The following DROSHA variants were observed in gnomAD, a reference collection of about 807,000 sequenced individuals.
DROSHA encodes ribonuclease 3.
A neutral mutation model predicts 181.9 loss-of-function variants in DROSHA; 56 were observed. The observed-to-expected ratio is 0.31, with a 90% CI of 0.25 to 0.38. The LOEUF (loss-of-function observed/expected upper bound fraction) is 0.38. Ranked by LOEUF, DROSHA falls within the 10% of genes least tolerant of loss-of-function variation. The pLI, the probability that DROSHA is intolerant of heterozygous loss-of-function variation, is 1.00. For missense variants in DROSHA, 1,218 were observed against 1,743.5 expected, an observed-to-expected ratio of 0.70 and a Z score of 5.37; for synonymous variants, 524 against 591.2, an observed-to-expected ratio of 0.89 and a Z score of 1.65.
chr5:31,451,418 T>C, intron 21 of DROSHA, 115 bp downstream of exon 21: 1 of 875,522 alleles, frequency 1.1e-6, no homozygotes, highest in Non-Finnish European at 1.8e-6. Context: ...AGAACTATGT[T>C]TCTAACAATC....
At chr5:31,497,572 T>C (rs1329381207) in intron 11 of DROSHA, among the ~76,000 whole-genome samples, 1 of 152,246 alleles carries the variant, frequency 6.6e-6, no homozygotes, top group East Asian at 1.9e-4. Flanking sequence ...ACACAGAAGG[T>C]AGCAATTGGC....
At chr5:31,527,838 CAA>C (rs1324585130) in intron 4 of DROSHA, among the ~76,000 whole-genome samples, 1 of 152,178 alleles carries the variant, frequency 6.6e-6, no homozygotes, top group East Asian at 1.9e-4. Context: ...CAAGCTAAGA[CAA>C]AAGTGTATAT....
chr5:31,417,415 C>T (rs373521632), intron 30 of DROSHA, among the ~76,000 whole-genome samples: 11 of 152,120 alleles, frequency 7.2e-5, no homozygotes, highest in African/African-American at 2.4e-4. Context: ...GAATGTAATC[C>T]GGCTTCTCTT....
rs190589269 is a variant in DROSHA at position 31,411,426 on chromosome 5, T to C, written c.3526-539A>G. The stretch of plus-strand genomic sequence containing the variant: ...AGGCAAACGGCCTGCTTTTTGTCAC[T>C]GTACATTAATTTTAAAGGATTTTTT... On this transcript the variant is annotated intron_variant, in intron 30 of 35. Coordinates refer to ENST00000344624, the MANE Select transcript of DROSHA (RefSeq NM_001382508.1). The surrounding 1 kb of genome is among the most constrained non-coding windows in gnomAD (Gnocchi z 4.2). Among the ~76,000 whole-genome samples, 68 of 152,158 alleles carry C rather than the reference T, an allele frequency of 4.5e-4. 1 individual carries two copies. The highest frequency in any genetic ancestry group is 9.9e-4 in the African/African-American group (41 of 41,558).
intron 3 of DROSHA, 61 bp downstream of exon 3, chr5:31,530,737 C>T: frequency 2.5e-6 from 1 of 394,736 alleles, no homozygotes; most frequent in Non-Finnish European, 4.5e-6. Flanking sequence ...CTTCCTGATT[C>T]CCTTAGGTAA....
At chr5:31,457,586 T>A (rs779473036) in intron 20 of DROSHA, among the ~76,000 whole-genome samples, 1 of 152,126 alleles carries the variant, frequency 6.6e-6, no homozygotes, top group East Asian at 1.9e-4. Flanking sequence ...TAAAACAATC[T>A]TTCATTTTTA....
chr5:31,483,407 A>G, intron 16 of DROSHA, 147 bp downstream of exon 16: 1 of 732,568 alleles, frequency 1.4e-6, no homozygotes, highest in Non-Finnish European at 2.3e-6. Context: ...CCACATGTAT[A>G]ATTTTACATT....
At position 31,526,652 on chromosome 5, in the gene DROSHA, G is replaced by C. The variant is rs1740610379; in HGVS notation, c.281C>G (p.Pro94Arg). Reference sequence around the variant, plus strand: ...GAAAGGCGGCCTGATTGGGCAGGGGGGAAGAGGGCCTTGCGCTGACGGAGG... The same window carrying C: ...GAAAGGCGGCCTGATTGGGCAGGGGCGAAGAGGGCCTTGCGCTGACGGAGG... ...PMPPSAQGPL[P>R]PCPIRPPFPN... is the part of the protein sequence containing the mutation. The change falls in exon 5 of 36, where the codon CCC becomes CGC. Residue 94 changes from proline to arginine, a missense_variant. By Grantham distance (103) the Pro-to-Arg change is moderately radical. Coordinates refer to ENST00000344624, the MANE Select transcript of DROSHA (RefSeq NM_001382508.1). 1 of 1,519,264 alleles carries C rather than the reference G, an allele frequency of 6.6e-7. No homozygotes were observed. Among genetic ancestry groups the C allele is most frequent in the Non-Finnish European group, 8.8e-7 (1 of 1,136,070 alleles). The allele number at this position is 1,519,264 out of a possible 1,614,324, so 94.1% of individuals were successfully genotyped here. A position where few individuals can be genotyped will look rare whatever the true frequency, so the allele number is the denominator to read the frequency against.
chr5:31,424,132 A>G (rs1386135059), intron 28 of DROSHA, among the ~76,000 whole-genome samples: 4 of 152,144 alleles, frequency 2.6e-5, no homozygotes, highest in South Asian at 2.1e-4. Flanking sequence ...TATGCTTTCA[A>G]TATCACCTTT....
chr5:31,474,059 G>A (rs1750073601), intron 16 of DROSHA, among the ~76,000 whole-genome samples: 1 of 152,168 alleles, frequency 6.6e-6, no homozygotes, highest in South Asian at 2.1e-4. Flanking sequence ...AATAATGATT[G>A]ATCACAATGG....
intron 3 of DROSHA, among the ~76,000 whole-genome samples, 194 bp downstream of exon 3, chr5:31,530,604 T>C (rs1026013787): frequency 2.3e-5 from 3 of 131,896 alleles, no homozygotes; most frequent in Admixed American, 9.3e-5. Flanking sequence ...CACTCCAGCC[T>C]GGGCAACAAG....
At position 31,516,348 on chromosome 5, in the gene DROSHA, T is replaced by C. The variant is rs185058761; in HGVS notation, c.948-784A>G. On this transcript the variant is annotated intron_variant, in intron 6 of 35. Coordinates refer to ENST00000344624, the MANE Select transcript of DROSHA (RefSeq NM_001382508.1). Reference sequence around the variant, plus strand: ...CAGAGACCTTGAGAATCCAGCTAAGTAGAAAAACTGCTTTGTAAGATCACC... The same window carrying C: ...CAGAGACCTTGAGAATCCAGCTAAGCAGAAAAACTGCTTTGTAAGATCACC... Among the ~76,000 whole-genome samples, 74 of 152,320 alleles carry C rather than the reference T, an allele frequency of 4.9e-4. 1 individual carries two copies. Among genetic ancestry groups the C allele is most frequent in the African/African-American group, 1.3e-3 (56 of 41,590 alleles).
chr5:31,513,063 C>T (rs1156641629), intron 8 of DROSHA, among the ~76,000 whole-genome samples: 2 of 152,152 alleles, frequency 1.3e-5, no homozygotes, highest in African/African-American at 4.8e-5. Flanking sequence ...GGAACTCTGT[C>T]ATGGCAGTAA....
chr5:31,453,906 T>C (rs1747327089), intron 20 of DROSHA, among the ~76,000 whole-genome samples: 1 of 151,462 alleles, frequency 6.6e-6, no homozygotes. Flanking sequence ...CTGGCATCTT[T>C]ATGTCTGCCA....
At chr5:31,458,421 G>A (rs1747932038) in intron 20 of DROSHA, among the ~76,000 whole-genome samples, 1 of 152,056 alleles carries the variant, frequency 6.6e-6, no homozygotes, top group African/African-American at 2.4e-5. Flanking sequence ...TTCATCTCAG[G>A]GTAATCAAAT....
chr5:31,511,691 C>A (rs1382504803), intron 8 of DROSHA, among the ~76,000 whole-genome samples: 2 of 134,560 alleles, frequency 1.5e-5, no homozygotes, highest in Admixed American at 7.7e-5. Flanking sequence ...CATAGAGAGA[C>A]CTCATCTAAA....
chr5:31,402,830 A>G (rs1347875904), intron 35 of DROSHA, among the ~76,000 whole-genome samples: 1 of 152,066 alleles, frequency 6.6e-6, no homozygotes, highest in African/African-American at 2.4e-5. Flanking sequence ...TAGAGATGGA[A>G]TCTCGCTGGA....
intron 20 of DROSHA, 194 bp downstream of exon 20, chr5:31,464,042 C>T (rs558690593): frequency 7.3e-6 from 4 of 549,008 alleles, no homozygotes; most frequent in African/African-American, 5.7e-5. Context: ...ATACAACATA[C>T]ACACACACAC....
chr5:31,406,783 A>G (rs1415412559), intron 34 of DROSHA, 70 bp downstream of exon 34: 16 of 1,391,266 alleles, frequency 1.2e-5, no homozygotes, highest in African/African-American at 2.9e-5. Context: ...CTGAGTTTGG[A>G]GATAGCAGCT....
Sources: gnomAD v4.1 joint callset for allele counts (sites outside exome capture counted in the v4.1 genomes callset) on GRCh38, gnomAD v4.1.1 for gene constraint, Gnocchi (gnomAD v3.1) non-coding constraint, MANE v1.5 for transcripts, NCBI Gene and HGNC (gene_info 2026-07-23, HGNC 2026-07-21) for gene names.